TRIQK: variants seen among roughly 807,000 people sequenced by gnomAD.
TRIQK encodes the protein triple QxxK/R motif containing.
Under a neutral mutation model 10.8 loss-of-function variants are expected in TRIQK, and 10 were observed. The observed-to-expected ratio is 0.92, with a 90% CI of 0.57 to 1.57. The LOEUF (loss-of-function observed/expected upper bound fraction) is 1.57. Ranked by LOEUF, TRIQK falls within the 40% of genes most tolerant of loss-of-function variation. TRIQK has a pLI of 0.00. For synonymous variants in TRIQK, 33 were observed against 33.7 expected (o/e 0.98, Z 0.07); for missense variants, 107 against 97.7 (o/e 1.09, Z -0.40).
chr8:92,963,985 G>T (rs1367571829), intron 1 of TRIQK: 4 of 152,074 alleles, frequency 2.6e-5, no homozygotes, highest in Non-Finnish European at 5.9e-5. Context: ...TGCTTTAAGA[G>T]GTTATGATCA....
chr8:92,991,734 T>C (rs1251035070), intron 1 of TRIQK, among the ~76,000 whole-genome samples: 3 of 152,172 alleles, frequency 2.0e-5, no homozygotes, highest in African/African-American at 7.2e-5. Flanking sequence ...GCAGATGACA[T>C]GATTGTATAT....
intron 1 of TRIQK, among the ~76,000 whole-genome samples, chr8:92,983,027 G>C (rs1386801405): frequency 2.6e-5 from 4 of 151,938 alleles, no homozygotes; most frequent in Non-Finnish European, 4.4e-5. Context: ...AGTTCATATG[G>C]CTGCTGTAAA....
At chr8:92,999,643 C>G (rs369413006) in intron 1 of TRIQK, among the ~76,000 whole-genome samples, 2 of 152,134 alleles carry the variant, frequency 1.3e-5, no homozygotes, top group African/African-American at 2.4e-5. Flanking sequence ...TCTTCATCTT[C>G]TGATGCACAG....
chr8:92,899,545 C>T (rs186491310), intron 3 of TRIQK, among the ~76,000 whole-genome samples: 33 of 152,136 alleles, frequency 2.2e-4, no homozygotes, highest in Non-Finnish European at 4.4e-4. Flanking sequence ...ACATAATGAC[C>T]TCCAGTTACA....
At chr8:92,893,333 GTGTT>G (rs1186770327) in intron 3 of TRIQK, among the ~76,000 whole-genome samples, 7 of 151,976 alleles carry the variant, frequency 4.6e-5, no homozygotes, top group Admixed American at 2.6e-4. Flanking sequence ...ACACATAAAA[GTGTT>G]TGTTTGGCTG....
intron 2 of TRIQK, among the ~76,000 whole-genome samples, chr8:92,950,924 C>A (rs1811863904): frequency 6.6e-6 from 1 of 152,100 alleles, no homozygotes; most frequent in African/African-American, 2.4e-5. Flanking sequence ...GGTTCCAGGA[C>A]TCCTGTGGAA....
At chr8:92,893,066 A>G (rs2130276981) in intron 3 of TRIQK, among the ~76,000 whole-genome samples, 1 of 152,046 alleles carries the variant, frequency 6.6e-6, no homozygotes, top group East Asian at 1.9e-4. Context: ...GTTCCTTTAC[A>G]AAACTCATCG....
intron 1 of TRIQK, among the ~76,000 whole-genome samples, chr8:92,978,080 T>A (rs1018850372): frequency 2.0e-5 from 3 of 152,136 alleles, no homozygotes; most frequent in Non-Finnish European, 4.4e-5. Context: ...CAGTACTCAG[T>A]TGAATTTTCA....
intron 4 of TRIQK, among the ~76,000 whole-genome samples, chr8:92,891,367 A>G (rs1169151161): frequency 2.0e-5 from 3 of 151,906 alleles, no homozygotes; most frequent in Non-Finnish European, 2.9e-5. Context: ...TAATAGTTTA[A>G]TTCAACTCTA....
intron 3 of TRIQK, among the ~76,000 whole-genome samples, chr8:92,906,880 G>A (rs1361637381): frequency 2.0e-5 from 3 of 151,420 alleles, no homozygotes; most frequent in South Asian, 2.1e-4. Flanking sequence ...GAGACAGAGC[G>A]AGACTCCGTC....
At chr8:92,919,221 T>C (rs940319621) in intron 2 of TRIQK, among the ~76,000 whole-genome samples, 3 of 151,952 alleles carry the variant, frequency 2.0e-5, no homozygotes, top group African/African-American at 7.2e-5. Flanking sequence ...TGGGGTTCCA[T>C]GTGAATTTTA....
At chr8:92,906,849 C>A (rs1366884222) in intron 3 of TRIQK, among the ~76,000 whole-genome samples, 2 of 150,908 alleles carry the variant, frequency 1.3e-5, no homozygotes, top group South Asian at 2.1e-4. Flanking sequence ...GCTGAGATAG[C>A]GCCACTACAC....
chr8:92,885,191 T>A lies in TRIQK; in HGVS notation c.*1431A>T. 8.5e-6 allele frequency: 3 copies of A among 353,196 alleles called. No individual in the cohort carries two copies. The highest frequency in any genetic ancestry group is 6.4e-5 in the South Asian group (3 of 46,556). 21.9% of individuals were successfully genotyped at this position (353,196 alleles called of 1,614,324 possible). ...TTCACACCAATGAAATAAATTATGC[T>A]ACTTGAAAAAAATTCTACAGAACAT... is the stretch of plus-strand genomic sequence containing the variant. On this transcript the variant is annotated 3_prime_UTR_variant, in exon 5 of 5. Transcript: ENST00000521988.
chr8:92,968,689 T>C (rs1436882675), upstream of TRIQK, among the ~76,000 whole-genome samples: 5 of 152,228 alleles, frequency 3.3e-5, no homozygotes. Flanking sequence ...TCCTTGTAGA[T>C]TCTGGATATT....
intron 3 of TRIQK, among the ~76,000 whole-genome samples, chr8:92,912,887 A>G (rs1809641782): frequency 6.6e-6 from 1 of 152,044 alleles, no homozygotes; most frequent in South Asian, 2.1e-4. Flanking sequence ...TCTATGAAAC[A>G]TTAAAAAAAA....
intron 3 of TRIQK, among the ~76,000 whole-genome samples, chr8:92,904,388 A>G (rs1304494134): frequency 6.6e-6 from 1 of 152,170 alleles, no homozygotes; most frequent in African/African-American, 2.4e-5. Context: ...GAGGTTGACT[A>G]TATGATGAAT....
intron 1 of TRIQK, among the ~76,000 whole-genome samples, chr8:93,005,419 A>G (rs906830666): frequency 4.6e-5 from 7 of 152,168 alleles, no homozygotes; most frequent in African/African-American, 1.7e-4. Context: ...CTCTCCCAAC[A>G]CTGGGGATTA....
chr8:92,956,134 C>A (rs1224336912), intron 1 of TRIQK, among the ~76,000 whole-genome samples: 1 of 151,394 alleles, frequency 6.6e-6, no homozygotes, highest in Non-Finnish European at 1.5e-5. Flanking sequence ...ATTCTAATAG[C>A]CAAAAAGTAG....
At chr8:92,982,115 T>G (rs912180359) in intron 1 of TRIQK, among the ~76,000 whole-genome samples, 1 of 151,748 alleles carries the variant, frequency 6.6e-6, no homozygotes, top group African/African-American at 2.4e-5. Flanking sequence ...CTTAGAAAAA[T>G]AAATATTTAA....
Sources: allele counts gnomAD v4.1 joint callset (sites outside exome capture counted in the v4.1 genomes callset), GRCh38; gene constraint gnomAD v4.1.1; transcripts MANE v1.5; gene names NCBI Gene and HGNC (gene_info 2026-07-23, HGNC 2026-07-21).